UCKL1: variants seen among roughly 807,000 people sequenced by gnomAD.
UCKL1 encodes the protein uridine-cytidine kinase-like 1.
UCKL1 carries 65 observed loss-of-function variants against 59.2 expected under a neutral mutation model. The ratio of observed to expected loss-of-function variants is 1.10; its 90% CI spans 0.90 to 1.35. The LOEUF is 1.35. UCKL1 is among the 40% of genes most tolerant of loss of function. The pLI is 0.00. For missense variants in UCKL1, 703 were observed against 784.3 expected (o/e 0.90, Z 1.24); for synonymous variants, 410 against 323.1 (o/e 1.27, Z -2.88).
At chr20:63,940,757 C>G (rs768860751) in intron 11 of UCKL1, 37 bp downstream of exon 11, 2 of 1,604,694 alleles carry the variant, frequency 1.2e-6, no homozygotes, top group African/African-American at 2.7e-5. Context: ...CCCGCCCCAG[C>G]AGCCTGTCCC....
intron 1 of UCKL1, among the ~76,000 whole-genome samples, chr20:63,948,000 G>C (rs6011236): frequency 0.19 from 26,550 of 142,602 alleles, 4,964 homozygotes; most frequent in African/African-American, 0.48. Flanking sequence ...CTGGGGGGTT[G>C]GGGGGGCATC....
chr20:63,956,105 G>T, intron 1 of UCKL1, 155 bp downstream of exon 1: 1 of 710,608 alleles, frequency 1.4e-6, no homozygotes. Context: ...AGCCCGCGGG[G>T]TTCCACCCGG....
rs141040687 is a variant in UCKL1 at position 63,940,956 on chromosome 20, G to A, written c.1110C>T (p.Pro370=). 305 of 1,522,214 alleles carry A rather than the reference G, an allele frequency of 2.0e-4. 1 individual carries two copies. The African/African-American group carries it at 3.8e-3, about 19-fold the overall frequency. 94.3% of individuals were successfully genotyped at this position (1,522,214 alleles called of 1,614,324 possible). A position where few individuals can be genotyped will look rare whatever the true frequency, so the allele number is the denominator to read the frequency against. The part of the protein sequence containing the change: ...LLIEHALSFL[P]FQDCVVQTPQ... ...CGGGCTACGGGCTACGAACCTGAAA[G>A]GGCAGGAAGGAGAGCGCGTGCTCGA... The change falls in exon 10 of 15, where the codon CCC becomes CCT. Residue 370 remains proline (P), a synonymous_variant. Coordinates refer to ENST00000354216, the MANE Select transcript of UCKL1 (RefSeq NM_017859.4).
chr20:63,945,066 A>G (rs2275293), intron 5 of UCKL1, among the ~76,000 whole-genome samples: 11,859 of 152,278 alleles, frequency 0.078, 547 homozygotes, highest in Non-Finnish European at 0.08. Flanking sequence ...GGGGCTGGGC[A>G]CATGTGATCT....
chr20:63,956,373 G>A lies in UCKL1; in HGVS notation c.-1C>T. 1 of 1,495,998 alleles carries A rather than the reference G, an allele frequency of 6.7e-7. No homozygotes were observed. The highest frequency in any genetic ancestry group is 8.9e-7 in the Non-Finnish European group (1 of 1,125,164). The allele number at this position is 1,495,998 out of a possible 1,614,324, so 92.7% of individuals were successfully genotyped here. A position where few individuals can be genotyped will look rare whatever the true frequency, so the allele number is the denominator to read the frequency against. ...CCGCGCGGGCCGGGGGCGCAGCCATGGCGCTCGGAGGCCTCTTTGCGGGCC... is the reference window on the plus strand; with the variant it reads ...CCGCGCGGGCCGGGGGCGCAGCCATAGCGCTCGGAGGCCTCTTTGCGGGCC... On this transcript the variant is annotated 5_prime_UTR_variant, in exon 1 of 15. Coordinates refer to ENST00000354216, the MANE Select transcript of UCKL1 (RefSeq NM_017859.4).
chr20:63,946,496 C>T lies in UCKL1; in HGVS notation c.261G>A (p.Trp87Ter). The part of the protein sequence containing the change: ...RTIYTAGRPP[W>*]YNEHGTQSKE... ...TGGATTGCGTGCCGTGTTCATTGTA[C>T]CAGGGCGGCCGCCCGGCGGTGTAGA... Residue 87 changes from tryptophan to a stop codon, truncating the protein, a stop_gained, in exon 2 of 15, where the codon TGG becomes TGA. Transcript: ENST00000354216. LOFTEE classifies it high-confidence loss of function. The T allele has an allele frequency of 6.3e-7, 1 of 1,587,444 alleles. No homozygotes were observed. The highest frequency in any genetic ancestry group is 8.6e-7 in the Non-Finnish European group (1 of 1,166,578).
At chr20:63,946,417 G>A (rs764919240) in intron 2 of UCKL1, 36 bp downstream of exon 2, 95 of 1,514,216 alleles carry the variant, frequency 6.3e-5, no homozygotes, top group Admixed American at 4.1e-4. Flanking sequence ...GGAGGCAGGC[G>A]TCCGGCAGCA....
At chr20:63,949,105 A>G (rs905376154) in intron 1 of UCKL1, among the ~76,000 whole-genome samples, 1 of 152,188 alleles carries the variant, frequency 6.6e-6, no homozygotes, top group African/African-American at 2.4e-5. Context: ...GCCTCTCCTC[A>G]GAGACAGACA....
chr20:63,945,536 C>G (rs1001531730), intron 5 of UCKL1, 115 bp downstream of exon 5: 47 of 1,086,694 alleles, frequency 4.3e-5, no homozygotes, highest in Middle Eastern at 2.9e-4. Context: ...GAGTGGCTGG[C>G]CTAGGCCTAT....
At chr20:63,949,636 G>A (rs1056730708) in intron 1 of UCKL1, among the ~76,000 whole-genome samples, 10 of 152,216 alleles carry the variant, frequency 6.6e-5, no homozygotes, top group African/African-American at 1.2e-4. Flanking sequence ...AGACAGAAAC[G>A]CTCTGGTGGC....
At position 63,940,078 on chromosome 20, in the gene UCKL1, C is replaced by T. The variant is rs1199608308; in HGVS notation, c.1568-23G>A. 5.0e-6 allele frequency: 8 copies of T among 1,584,528 alleles called. No individual in the cohort carries two copies. In the Admixed American group the frequency reaches 1.2e-4, roughly 24 times the overall value. ...TCCCTGGAAAAAGGGGGGGGGGGGT[C>T]CAGTGTGGTGGGGCCTCCCAGGGCC... On this transcript the variant is annotated intron_variant, in intron 14 of 14. Transcript: ENST00000354216.
intron 8 of UCKL1, chr20:63,942,814 A>C: frequency 2.3e-6 from 1 of 440,242 alleles, no homozygotes; most frequent in South Asian, 1.6e-5. Context: ...CTCTCAGAAC[A>C]AAAGCTTCAG....
At chr20:63,946,723 C>T (rs1246335816) in intron 1 of UCKL1, 80 bp from the exon 2 acceptor site, 8 of 1,190,008 alleles carry the variant, frequency 6.7e-6, no homozygotes, top group Non-Finnish European at 6.6e-6. Flanking sequence ...GCCCACAGGG[C>T]ACCCCCCCCA....
Position 63,940,836 on chromosome 20 carries a change from C to G in UCKL1, c.1137G>C (p.Pro379=), listed in dbSNP as rs866660531. The change falls in exon 11 of 15, where the codon CCG becomes CCC. Residue 379 remains proline (P), a synonymous_variant. Coordinates refer to ENST00000354216, the MANE Select transcript of UCKL1 (RefSeq NM_017859.4). ...ACTTGCCCGCATAGTCCTGCCCCTG[C>G]GGGGTCTGTACGACGCAGTCCTGTG... is the stretch of plus-strand genomic sequence containing the variant. The part of the protein sequence containing the change: ...LPFQDCVVQT[P]QGQDYAGKCY... The G allele has an allele frequency of 1.3e-5, 21 of 1,560,784 alleles. No individual in the cohort carries two copies. The highest frequency in any genetic ancestry group is 1.7e-5 in the Non-Finnish European group (20 of 1,153,724).
chr20:63,947,422 G>A (rs115502205), intron 1 of UCKL1, among the ~76,000 whole-genome samples: 3,663 of 152,340 alleles, frequency 0.024, 135 homozygotes, highest in African/African-American at 0.082. Flanking sequence ...CCAAGGAGAC[G>A]TGAGGGCGGC....
rs760410784 is a variant in UCKL1 at position 63,944,642 on chromosome 20, G to A, written c.747C>T (p.Ile249=). ...TGTTGTACTGCTTGATGACACCCTCGATGTCCCGGCCGCGCTCACTGATGT... is the reference window on the plus strand; with the variant it reads ...TGTTGTACTGCTTGATGACACCCTCAATGTCCCGGCCGCGCTCACTGATGT... ...RRDISERGRD[I]EGVIKQYNKF... is the part of the protein sequence containing the mutation. The change falls in exon 6 of 15, where the codon ATC becomes ATT. Residue 249 remains isoleucine (I), a synonymous_variant. Coordinates refer to ENST00000354216, the MANE Select transcript of UCKL1 (RefSeq NM_017859.4). The A allele has an allele frequency of 8.7e-6, 14 of 1,612,894 alleles. No homozygotes were observed. The highest frequency in any genetic ancestry group is 1.1e-5 in the South Asian group (1 of 91,064).
Position 63,956,247 on chromosome 20 carries a change from G to A in UCKL1, c.113+13C>T. 6.6e-7 allele frequency: 1 copy of A among 1,519,790 alleles called. No homozygotes were observed. Among genetic ancestry groups the A allele is most frequent in the Non-Finnish European group, 8.8e-7 (1 of 1,136,240 alleles). 94.1% of individuals were successfully genotyped at this position (1,519,790 alleles called of 1,614,324 possible). On this transcript the variant is annotated intron_variant, in intron 1 of 14. Transcript: ENST00000354216. ...CCGCTCGCCAGTGGAGTGGAGGCGAGGCCCACGCCTACCGGTCCTCGCACG... is the reference window on the plus strand; with the variant it reads ...CCGCTCGCCAGTGGAGTGGAGGCGAAGCCCACGCCTACCGGTCCTCGCACG...
At position 63,944,442 on chromosome 20, in the gene UCKL1, C is replaced by T; in HGVS notation, c.861G>A (p.Val287=). 1 of 1,578,440 alleles carries T rather than the reference C, an allele frequency of 6.3e-7. No homozygotes were observed. Among genetic ancestry groups the T allele is most frequent in the Middle Eastern group, 1.8e-4 (1 of 5,608 alleles). ...CGTGCTGCACAATCAGGTCGATGGC[C>T]ACCGTGTTGCCGCTCCCTGGGGCGG... ...IVVPRGSGNT[V]AIDLIVQHVH... The change falls in exon 7 of 15, where the codon GTG becomes GTA. Residue 287 remains valine (V), a synonymous_variant. Transcript: ENST00000354216.
intron 1 of UCKL1, among the ~76,000 whole-genome samples, chr20:63,949,066 G>C (rs900898884): frequency 2.4e-4 from 37 of 152,170 alleles, no homozygotes; most frequent in African/African-American, 7.0e-4. Flanking sequence ...GAGACCCGCC[G>C]TCTGCACCTG....
Sources: allele counts gnomAD v4.1 joint callset (sites outside exome capture counted in the v4.1 genomes callset), GRCh38; gene constraint gnomAD v4.1.1; transcripts MANE v1.5; gene names NCBI Gene and HGNC (gene_info 2026-07-23, HGNC 2026-07-21).